Variants in CP observed in about 807,000 individuals in gnomAD.
The protein encoded by CP is caeruloplasmin.
In CP, 64 loss-of-function variants were observed where a neutral mutation model predicts 122.4. The observed-to-expected ratio is 0.52, with a 90% CI of 0.43 to 0.64. The LOEUF is 0.64. Ranked by LOEUF, CP falls within the 30% of genes least tolerant of loss-of-function variation. The pLI is 0.00. For missense variants in CP, 1,167 were observed against 1,284.4 expected, an observed-to-expected ratio of 0.91 and a Z score of 1.40; for synonymous variants, 440 against 436.4, an observed-to-expected ratio of 1.01 and a Z score of -0.10.
chr3:149,212,434 A>T lies in CP; in HGVS notation c.394+17T>A. The T allele has an allele frequency of 1.2e-6, 2 of 1,613,640 alleles. No homozygotes were observed. Among genetic ancestry groups the T allele is most frequent in the Non-Finnish European group, 1.7e-6 (2 of 1,179,796 alleles). ...TGAAAAGTAAGAGGAAATTCCAGCT[A>T]CATGAGCTGAACTTACCCTCATGTT... On this transcript the variant is annotated intron_variant, in intron 2 of 18. Transcript: ENST00000264613.
chr3:149,209,717 G>T (rs933890223), intron 3 of CP, among the ~76,000 whole-genome samples: 1 of 152,136 alleles, frequency 6.6e-6, no homozygotes, highest in Non-Finnish European at 1.5e-5. Flanking sequence ...TACAGGTAAC[G>T]ATTGTTCAAG....
rs768273456 is a variant in CP, at chr3:149,185,342, A to G, written c.2182T>C (p.Tyr728His). The G allele has an allele frequency of 5.0e-6, 8 of 1,614,142 alleles. No individual in the cohort carries two copies. The highest frequency in any genetic ancestry group is 1.6e-4 in the Middle Eastern group (1 of 6,062). The stretch of plus-strand genomic sequence containing the variant: ...ATATAGTATGTCCTCTCTCCCAGGT[A>G]GAAGGTGGAATCCTCAGACTGCCGC... ...CRRQSEDSTF[Y>H]LGERTYYIAA... The change falls in exon 12 of 19, where the codon TAC (tyrosine) becomes CAC (histidine). Residue 728 changes from tyrosine to histidine, a missense_variant. By Grantham distance (83) the Tyr-to-His change is moderately conservative. Transcript: ENST00000264613.
At chr3:149,193,275 T>A (rs1006480251) in intron 9 of CP, among the ~76,000 whole-genome samples, 1 of 152,172 alleles carries the variant, frequency 6.6e-6, no homozygotes, top group Non-Finnish European at 1.5e-5. Flanking sequence ...TATCCTACTG[T>A]TTAGTTAAAA....
At position 149,206,175 on chromosome 3, in the gene CP, G is replaced by A; in HGVS notation, c.1201C>T (p.Pro401Ser). 1.9e-6 allele frequency: 3 copies of A among 1,613,670 alleles called. No individual in the cohort carries two copies. The highest frequency in any genetic ancestry group is 2.2e-5 in the South Asian group (2 of 91,060). Residue 401 changes from proline (P) to serine (S), a missense_variant, in exon 6 of 19, where the codon CCT becomes TCT. Around this residue, in one of 2 missense-constraint regions of CP, gnomAD observed 642 missense variants for 627.3 expected, o/e 1.02. Transcript: ENST00000264613. ...TCTTTTTTTGTAAATTACCTTCCAGGTGCTGTTAAGTTTTCTTTAGTGAAG... is the reference window on the plus strand; with the variant it reads ...TCTTTTTTTGTAAATTACCTTCCAGATGCTGTTAAGTTTTCTTTAGTGAAG... ...DIFTKENLTA[P>S]GSDSAVFFEQ...
At chr3:149,221,396 G>C (rs552651101) in intron 1 of CP, among the ~76,000 whole-genome samples, 3 of 152,120 alleles carry the variant, frequency 2.0e-5, no homozygotes, top group Admixed American at 1.3e-4. Flanking sequence ...AATCGGAGAT[G>C]CAGTTACGAC....
chr3:149,172,687 A>C lies in CP; in HGVS notation c.*1027T>G, dbSNP rs1430898305. Reference sequence around the variant, plus strand: ...TTCCAGATTTCTCTATGTTTTTGAGAAAGATGTTAATGTTTTGCCATGGTA... The same window carrying C: ...TTCCAGATTTCTCTATGTTTTTGAGCAAGATGTTAATGTTTTGCCATGGTA... On this transcript the variant is annotated 3_prime_UTR_variant, in exon 19 of 19. Coordinates refer to ENST00000264613, the MANE Select transcript of CP (RefSeq NM_000096.4). The C allele has an allele frequency of 6.5e-6, 1 of 153,840 alleles. No individual in the cohort carries two copies. Among genetic ancestry groups the C allele is most frequent in the Non-Finnish European group, 1.4e-5 (1 of 68,966 alleles). 9.5% of individuals were successfully genotyped at this position (153,840 alleles called of 1,614,324 possible).
In CP at chr3:149,207,595, T is replaced by C. The variant is rs13314294; in HGVS notation, c.804A>G (p.Gly268=). 4.3e-6 allele frequency: 7 copies of C among 1,613,938 alleles called. No homozygotes were observed. Among genetic ancestry groups the C allele is most frequent in the Non-Finnish European group, 5.9e-6 (7 of 1,179,830 alleles). Residue 268 remains glycine (G), a synonymous_variant, in exon 5 of 19, where the codon GGA becomes GGG. Coordinates refer to ENST00000264613, the MANE Select transcript of CP (RefSeq NM_000096.4). ...CACACATGGAGAGTCCTGGGAGACT[T>C]CCAAAAGTGTATCCATTCACAGCTG... ...RMYSVNGYTF[G]SLPGLSMCAE... is the part of the protein sequence containing the mutation.
intron 10 of CP, among the ~76,000 whole-genome samples, chr3:149,186,962 T>C (rs1333579830): frequency 6.6e-6 from 1 of 152,202 alleles, no homozygotes; most frequent in Non-Finnish European, 1.5e-5. Context: ...TGTTCTATGC[T>C]AGTGTCCCTA....
At chr3:149,215,409 G>A (rs1362485579) in intron 1 of CP, among the ~76,000 whole-genome samples, 2 of 152,160 alleles carry the variant, frequency 1.3e-5, no homozygotes, top group Non-Finnish European at 2.9e-5. Flanking sequence ...TTTTGGGGGG[G>A]TTAAAATTGC....
At chr3:149,217,832 C>G (rs1728563870) in intron 1 of CP, 1 of 405,034 alleles carries the variant, frequency 2.5e-6, no homozygotes, top group Non-Finnish European at 4.9e-6. Flanking sequence ...ATATCCTGAT[C>G]ACTCAAGATC....
In CP at chr3:149,208,276, C is replaced by T. The variant is rs34335440; in HGVS notation, c.782-659G>A. Among the ~76,000 whole-genome samples the T allele has an allele frequency of 1.7e-3, 263 of 152,052 alleles. 1 individual carries two copies. Among genetic ancestry groups the T allele is most frequent in the Non-Finnish European group, 3.1e-3 (210 of 67,948 alleles). On this transcript the variant is annotated intron_variant, in intron 4 of 18. Coordinates refer to ENST00000264613, the MANE Select transcript of CP (RefSeq NM_000096.4). ...AAACTGGGTGGCCCTAAAAATTTCC[C>T]AAGTGGAAATTAGTTCTGGGAAGAA...
intron 14 of CP, chr3:149,179,926 A>G (rs1029452262): frequency 2.6e-5 from 11 of 425,564 alleles, no homozygotes; most frequent in African/African-American, 6.0e-5. Context: ...CCACAAAGCT[A>G]GGAGGTGTGT....
chr3:149,215,337 C>T (rs1323020770), intron 1 of CP, among the ~76,000 whole-genome samples: 2 of 152,148 alleles, frequency 1.3e-5, no homozygotes, highest in Non-Finnish European at 2.9e-5. Flanking sequence ...AAACAAATAC[C>T]TAAGACCAAG....
At chr3:149,177,555 A>G (rs1725497113) in intron 17 of CP, among the ~76,000 whole-genome samples, 1 of 152,200 alleles carries the variant, frequency 6.6e-6, no homozygotes, top group Non-Finnish European at 1.5e-5. Flanking sequence ...TCTCTAGATT[A>G]TTATAATACC....
At chr3:149,198,285 G>A (rs1431273483) in intron 9 of CP, 82 bp downstream of exon 9, 1 of 1,098,982 alleles carries the variant, frequency 9.1e-7, no homozygotes. Context: ...TGGAGATAAT[G>A]ATGAGGTTAG....
At chr3:149,216,965 A>C (rs932352647) in intron 1 of CP, among the ~76,000 whole-genome samples, 6 of 143,108 alleles carry the variant, frequency 4.2e-5, no homozygotes, top group Non-Finnish European at 9.0e-5. Context: ...TAACGGCGTG[A>C]TCTCGGCTCA....
At chr3:149,207,788 C>A (rs1220958437) in intron 4 of CP, among the ~76,000 whole-genome samples, 171 bp from the exon 5 acceptor site, 1 of 152,182 alleles carries the variant, frequency 6.6e-6, no homozygotes, top group Non-Finnish European at 1.5e-5. Flanking sequence ...AGCACTCTTT[C>A]ATTTTGGAAC....
intron 1 of CP, among the ~76,000 whole-genome samples, chr3:149,215,398 T>C (rs1031540413): frequency 6.6e-6 from 1 of 152,144 alleles, no homozygotes; most frequent in Non-Finnish European, 1.5e-5. Flanking sequence ...TAGGCAAAGT[T>C]TTTTGGGGGG....
chr3:149,220,804 A>C (rs912897896), intron 1 of CP, among the ~76,000 whole-genome samples: 16 of 152,192 alleles, frequency 1.1e-4, no homozygotes, highest in Admixed American at 3.3e-4. Flanking sequence ...ATTTTAATGT[A>C]GTGAATATTG....
Sources: allele counts gnomAD v4.1 joint callset (sites outside exome capture counted in the v4.1 genomes callset), GRCh38; gene constraint gnomAD v4.1.1; regional missense constraint gnomAD v4.1.1; transcripts MANE v1.5; gene names NCBI Gene and HGNC (gene_info 2026-07-23, HGNC 2026-07-21).